Variants in PIGL observed in about 807,000 individuals in gnomAD.
PIGL encodes the protein N-acetylglucosaminyl-phosphatidylinositol de-N-acetylase.
PIGL carries 22 observed loss-of-function variants against 31.1 expected under a neutral mutation model. The observed-to-expected ratio is 0.71, with a 90% CI of 0.51 to 1.01. PIGL has a LOEUF of 1.01. PIGL is among the 50% of genes least tolerant of loss of function. PIGL has a pLI of 0.00. For synonymous variants in PIGL, 131 were observed against 117.4 expected (o/e 1.12, Z -0.75); for missense variants, 302 against 315.9 (o/e 0.96, Z 0.33).
chr17:16,222,935 C>A (rs1239628578), intron 1 of PIGL, among the ~76,000 whole-genome samples: 1 of 151,944 alleles, frequency 6.6e-6, no homozygotes, highest in Non-Finnish European at 1.5e-5. Context: ...TCGCTTGAAC[C>A]CAGTAGGTGG....
chr17:16,315,708 C>CTTTTTTTTTTTTTTTTTTTTTTTTTTTT (rs1157169209), intron 4 of PIGL, among the ~76,000 whole-genome samples: 3 of 58,990 alleles, frequency 5.1e-5, no homozygotes, highest in African/African-American at 7.5e-5. Context: ...TTCTTTCTTT[C>CTTTTTTTTTTTTTTTTTTTTTTTTTTTT]TTTTTTTTTT....
intron 2 of PIGL, among the ~76,000 whole-genome samples, chr17:16,250,418 G>A (rs941759603): frequency 1.3e-5 from 2 of 152,120 alleles, no homozygotes; most frequent in African/African-American, 2.4e-5. Context: ...GTAAAAGGAG[G>A]CTGCTGTACC....
At chr17:16,312,035 CG>C (rs1302553533) in intron 3 of PIGL, among the ~76,000 whole-genome samples, 28 of 147,348 alleles carry the variant, frequency 1.9e-4, no homozygotes, top group African/African-American at 6.7e-4. Flanking sequence ...ACGGGGTGGC[CG>C]GGCAGAGGCG....
At position 16,250,199 on chromosome 17, in the gene PIGL, C is replaced by A. The variant is rs182975631; in HGVS notation, c.335+16129C>A. ...TGACCTCAGGTGATCCACCTGCCTC[C>A]TTTGTCTTGCGAAGTGCTGGGATTA... On this transcript the variant is annotated intron_variant, in intron 2 of 6. Transcript: ENST00000225609. 2.1e-3 allele frequency among the ~76,000 whole-genome samples: 324 copies of A among 152,234 alleles called. 1 individual carries two copies. Among genetic ancestry groups the A allele is most frequent in the African/African-American group, 7.5e-3 (310 of 41,562 alleles).
intron 2 of PIGL, among the ~76,000 whole-genome samples, chr17:16,259,636 T>C (rs980867961): frequency 1.3e-5 from 2 of 151,956 alleles, no homozygotes; most frequent in Non-Finnish European, 2.9e-5. Context: ...TAAAAGAAAA[T>C]ATAGGAATCT....
chr17:16,256,361 G>T (rs543674146), intron 2 of PIGL, among the ~76,000 whole-genome samples: 1 of 148,982 alleles, frequency 6.7e-6, no homozygotes, highest in Non-Finnish European at 1.5e-5. Context: ...TGTTTGAGAC[G>T]GAGTCTCACA....
chr17:16,317,580 T>C lies in PIGL; in HGVS notation c.527-195T>C, dbSNP rs1445184031. On this transcript the variant is annotated intron_variant, in intron 5 of 6. Transcript: ENST00000225609. ...GGGTAGAGGGTAGCCAGCCAGGTCT[T>C]CTATGGCCCTTTTACTCGTTCTAGC... The C allele has an allele frequency of 2.2e-6, 3 of 1,389,370 alleles. No individual in the cohort carries two copies. The Admixed American group carries it at 8.7e-5, about 40-fold the overall frequency. The allele number at this position is 1,389,370 out of a possible 1,614,324, so 86.1% of individuals were successfully genotyped here.
At chr17:16,219,891 A>G (rs577786547) in intron 1 of PIGL, among the ~76,000 whole-genome samples, 104 of 152,042 alleles carry the variant, frequency 6.8e-4, no homozygotes, top group South Asian at 1.5e-3. Context: ...TTTGTATTTT[A>G]TATTACAACT....
chr17:16,243,429 A>G (rs1305265748), intron 2 of PIGL, among the ~76,000 whole-genome samples: 1 of 152,300 alleles, frequency 6.6e-6, no homozygotes, highest in South Asian at 2.1e-4. Context: ...GATCCCATTC[A>G]TTTCAGTATG....
At chr17:16,274,268 A>G (rs1164358051) in intron 2 of PIGL, among the ~76,000 whole-genome samples, 1 of 152,200 alleles carries the variant, frequency 6.6e-6, no homozygotes, top group African/African-American at 2.4e-5. Flanking sequence ...GAGCGTGTAA[A>G]GGAAATGGGT....
intron 2 of PIGL, among the ~76,000 whole-genome samples, chr17:16,266,388 CA>C (rs60708474): frequency 0.025 from 1,815 of 71,988 alleles, 34 homozygotes; most frequent in African/African-American, 0.08. Context: ...GACTCCATCT[CA>C]AAAAAAAAAA....
chr17:16,230,004 G>T (rs1371446881), intron 1 of PIGL, among the ~76,000 whole-genome samples: 1 of 151,882 alleles, frequency 6.6e-6, no homozygotes, highest in African/African-American at 2.4e-5. Context: ...TGGGACTACA[G>T]GCGTGTGCCC....
chr17:16,322,326 C>T (rs552914289), intron 6 of PIGL, among the ~76,000 whole-genome samples: 1 of 152,032 alleles, frequency 6.6e-6, no homozygotes, highest in African/African-American at 2.4e-5. Flanking sequence ...AACTTCTGGC[C>T]TCAAGTGATC....
At chr17:16,220,092 G>A (rs1040262066) in intron 1 of PIGL, among the ~76,000 whole-genome samples, 2 of 151,972 alleles carry the variant, frequency 1.3e-5, no homozygotes, top group African/African-American at 4.8e-5. Flanking sequence ...GCTCATGCCT[G>A]TAATCCGAGC....
intron 2 of PIGL, among the ~76,000 whole-genome samples, chr17:16,249,174 C>T (rs1490902996): frequency 1.3e-5 from 2 of 152,160 alleles, no homozygotes; most frequent in Non-Finnish European, 2.9e-5. Flanking sequence ...ACAATTTATA[C>T]ATTTAAAATG....
chr17:16,219,222 TTTA>T (rs1316909557), intron 1 of PIGL, among the ~76,000 whole-genome samples: 4 of 151,906 alleles, frequency 2.6e-5, no homozygotes, highest in Non-Finnish European at 4.4e-5. Flanking sequence ...AGCTAATTTT[TTTA>T]TTTGTTTTTA....
intron 1 of PIGL, among the ~76,000 whole-genome samples, chr17:16,223,583 A>G (rs1351086662): frequency 6.6e-6 from 1 of 152,032 alleles, no homozygotes; most frequent in East Asian, 1.9e-4. Context: ...TCTCAAAAAT[A>G]AAAGCTCAGT....
chr17:16,227,578 C>CTTTTTTTTTTTTTTTTTTTTTTTT (rs57452229), intron 1 of PIGL, among the ~76,000 whole-genome samples: 1 of 103,196 alleles, frequency 9.7e-6, no homozygotes, highest in Non-Finnish European at 1.9e-5. Flanking sequence ...ATTTTCTTTT[C>CTTTTTTTTTTTTTTTTTTTTTTTT]TTTTTTTTTT....
intron 2 of PIGL, among the ~76,000 whole-genome samples, chr17:16,240,691 G>A (rs2142700715): frequency 6.6e-6 from 1 of 151,806 alleles, no homozygotes; most frequent in South Asian, 2.1e-4. Flanking sequence ...GGTAGAGATG[G>A]AGTCTTGCTA....
Sources: gnomAD v4.1 joint callset for allele counts (sites outside exome capture counted in the v4.1 genomes callset) on GRCh38, gnomAD v4.1.1 for gene constraint, MANE v1.5 for transcripts, NCBI Gene and HGNC (gene_info 2026-07-23, HGNC 2026-07-21) for gene names.